Variants in SKI observed in about 807,000 individuals in gnomAD.
The protein encoded by SKI is SKI proto-oncogene.
In SKI, 23 loss-of-function variants were observed where a neutral mutation model predicts 59.3. The observed-to-expected ratio is 0.39, with a 90% CI of 0.28 to 0.55. The LOEUF (loss-of-function observed/expected upper bound fraction) is 0.55, where lower values mean the gene tolerates loss of function less well. SKI is among the 20% of genes least tolerant of loss of function. SKI has a pLI of 0.67. For synonymous variants in SKI, 673 were observed against 488.6 expected (o/e 1.38, Z -4.98); for missense variants, 1,017 against 1,038.9 (o/e 0.98, Z 0.29).
chr1:2,305,968 G>T, intron 5 of SKI, 52 bp from the exon 6 acceptor site: 11 of 1,337,418 alleles, frequency 8.2e-6, no homozygotes, highest in Non-Finnish European at 1.2e-5. Context: ...TCATGGTGAG[G>T]GGTGTGCTGG....
chr1:2,272,666 T>G (rs1639651416), intron 1 of SKI, among the ~76,000 whole-genome samples: 2 of 152,236 alleles, frequency 1.3e-5, no homozygotes, highest in African/African-American at 4.8e-5. Context: ...ACCATGTATT[T>G]TAAATGGTGT....
At chr1:2,253,044 C>G (rs974812378) in intron 1 of SKI, among the ~76,000 whole-genome samples, 2 of 151,568 alleles carry the variant, frequency 1.3e-5, no homozygotes, top group Non-Finnish European at 1.5e-5. Flanking sequence ...TGCAGTGAGC[C>G]CAGGTCATGC....
At chr1:2,238,218 G>C (rs569364000) in intron 1 of SKI, among the ~76,000 whole-genome samples, 23 of 152,348 alleles carry the variant, frequency 1.5e-4, no homozygotes, top group Non-Finnish European at 2.5e-4. Context: ...GTTTGTCCCC[G>C]TGCCTCCCTT....
intron 1 of SKI, among the ~76,000 whole-genome samples, chr1:2,290,807 C>G (rs570977306): frequency 6.6e-6 from 1 of 152,212 alleles, no homozygotes; most frequent in African/African-American, 2.4e-5. Flanking sequence ...TTGTCACCCC[C>G]TCCTGCCGCT....
chr1:2,302,789 C>T (rs975124702), intron 1 of SKI, among the ~76,000 whole-genome samples, 189 bp from the exon 2 acceptor site: 20 of 152,192 alleles, frequency 1.3e-4, no homozygotes, highest in African/African-American at 4.8e-4. Context: ...TTGCGCGTGG[C>T]CTAAGGGCCT....
rs998588668 is a variant in SKI, at chr1:2,303,177, G to T, written c.1095+74G>T. ...TCTCCTTGGGCAGACCCAGCGGCTG[G>T]CAGCTCCACCTGCCCGCTACTGAGG... On this transcript the variant is annotated intron_variant, in intron 2 of 6. Transcript: ENST00000378536. The surrounding 1 kb of genome is among the most constrained non-coding windows in gnomAD (Gnocchi z 5.6). 4 of 1,607,496 alleles carry T rather than the reference G, an allele frequency of 2.5e-6. No homozygotes were observed. The African/African-American group carries it at 5.3e-5, about 21-fold the overall frequency.
chr1:2,259,101 T>TCTA (rs1639330709), intron 1 of SKI, among the ~76,000 whole-genome samples: 1 of 152,190 alleles, frequency 6.6e-6, no homozygotes, highest in Non-Finnish European at 1.5e-5. Flanking sequence ...AATGTGCATC[T>TCTA]CTAGCAAGTT....
intron 1 of SKI, among the ~76,000 whole-genome samples, chr1:2,275,508 A>G (rs1478822946): frequency 2.7e-5 from 4 of 150,526 alleles, no homozygotes; most frequent in Admixed American, 1.3e-4. Context: ...TGCTTTTTCC[A>G]GAGACGTTTA....
At chr1:2,273,561 C>A (rs1639674894) in intron 1 of SKI, among the ~76,000 whole-genome samples, 1 of 152,182 alleles carries the variant, frequency 6.6e-6, no homozygotes, top group Admixed American at 6.5e-5. Context: ...GTGACCCTGC[C>A]TGGGGCGGTC....
chr1:2,233,328 G>A (rs993861486), intron 1 of SKI, among the ~76,000 whole-genome samples: 2 of 152,064 alleles, frequency 1.3e-5, no homozygotes, highest in South Asian at 4.2e-4. Context: ...GGGGCCGGGC[G>A]TCCTGTTCCT....
chr1:2,304,168 G>C, intron 4 of SKI, 66 bp downstream of exon 4: 11 of 1,596,410 alleles, frequency 6.9e-6, no homozygotes, highest in African/African-American at 1.3e-5. Context: ...GCTGAGGGGG[G>C]CTGGTCGCCG....
In SKI at chr1:2,307,337, G is replaced by C. The variant is rs1307224308; in HGVS notation, c.*572G>C. The C allele has an allele frequency of 6.6e-6, 1 of 152,556 alleles. No individual in the cohort carries two copies. The highest frequency in any genetic ancestry group is 2.4e-5 in the African/African-American group (1 of 41,442). 9.5% of individuals were successfully genotyped at this position (152,556 alleles called of 1,614,324 possible). A position where few individuals can be genotyped will look rare whatever the true frequency, so the allele number is the denominator to read the frequency against. On this transcript the variant is annotated 3_prime_UTR_variant, in exon 7 of 7. Coordinates refer to ENST00000378536, the MANE Select transcript of SKI (RefSeq NM_003036.4). ...AGGGAGAGCAGGGACAGTGCCGCGT[G>C]CGAGATGAGCTCGAACACTGCCCGC... is the stretch of plus-strand genomic sequence containing the variant.
At chr1:2,246,319 A>G (rs574313654) in intron 1 of SKI, among the ~76,000 whole-genome samples, 1 of 151,566 alleles carries the variant, frequency 6.6e-6, no homozygotes, top group East Asian at 1.9e-4. Flanking sequence ...CTTATTGGCC[A>G]CTCCTATATC....
chr1:2,230,725 T>C (rs577346167), intron 1 of SKI, among the ~76,000 whole-genome samples: 49 of 152,350 alleles, frequency 3.2e-4, no homozygotes, highest in African/African-American at 1.2e-3. Flanking sequence ...ACTTTTCTTT[T>C]AAATATCCAG....
chr1:2,240,523 G>T, intron 1 of SKI: 2 of 985,444 alleles, frequency 2.0e-6, no homozygotes, highest in Non-Finnish European at 2.4e-6. Context: ...TGGTTGTGGG[G>T]CAAGGCTGCG....
At position 2,306,774 on chromosome 1, in the gene SKI, C is replaced by A. The variant is rs1242627775; in HGVS notation, c.*9C>A. The stretch of plus-strand genomic sequence containing the variant: ...CGGAGCTGGAGCCGTAGATTCCGTG[C>A]CTGCCGCCGCAGCGCCGCCGACAAC... On this transcript the variant is annotated 3_prime_UTR_variant, in exon 7 of 7. Transcript: ENST00000378536. 2.0e-6 allele frequency: 3 copies of A among 1,497,838 alleles called. No individual in the cohort carries two copies. The highest frequency in any genetic ancestry group is 2.7e-6 in the Non-Finnish European group (3 of 1,127,794). 92.8% of individuals were successfully genotyped at this position (1,497,838 alleles called of 1,614,324 possible).
chr1:2,293,685 T>C (rs1258941647), intron 1 of SKI, among the ~76,000 whole-genome samples: 2 of 152,206 alleles, frequency 1.3e-5, no homozygotes, highest in African/African-American at 2.4e-5. Flanking sequence ...CCGCTGCCCC[T>C]GTTCTTGGGC....
At chr1:2,259,677 C>T (rs184775629) in intron 1 of SKI, among the ~76,000 whole-genome samples, 4 of 152,178 alleles carry the variant, frequency 2.6e-5, no homozygotes, top group African/African-American at 7.2e-5. Flanking sequence ...TGAACCTGTC[C>T]GTCACCCAGA....
intron 1 of SKI, chr1:2,240,846 G>A (rs1357210285): frequency 1.0e-6 from 1 of 971,938 alleles, no homozygotes; most frequent in Admixed American, 6.2e-5. Flanking sequence ...GCCCAGTGTG[G>A]GGGCCGTCCA....
Sources: allele counts gnomAD v4.1 joint callset (sites outside exome capture counted in the v4.1 genomes callset), GRCh38; gene constraint gnomAD v4.1.1; non-coding constraint Gnocchi (gnomAD v3.1); transcripts MANE v1.5; gene names NCBI Gene and HGNC (gene_info 2026-07-23, HGNC 2026-07-21).